STAT4: variants seen among roughly 807,000 people sequenced by gnomAD.
STAT4 encodes signal transducer and activator of transcription 4.
STAT4 carries 42 observed loss-of-function variants against 110.5 expected under a neutral mutation model. That is an observed-to-expected ratio of 0.38 (90% CI 0.30 to 0.49). STAT4 has a LOEUF of 0.49. Ranked by LOEUF, STAT4 falls within the 20% of genes least tolerant of loss-of-function variation. The pLI is 0.95. For missense variants in STAT4, 632 were observed against 887.9 expected, an observed-to-expected ratio of 0.71 and a Z score of 3.66; for synonymous variants, 284 against 302.2, an observed-to-expected ratio of 0.94 and a Z score of 0.63.
rs529564776 is a variant in STAT4, at chr2:191,092,861, A to G, written c.274-16536T>C. On this transcript the variant is annotated intron_variant, in intron 3 of 23. Transcript: ENST00000392320. ...CCCACCCAAATACTGCACTTTTCCA[A>G]TGGTTTTAGCAACTGGCACACTGGG... Among the ~76,000 whole-genome samples the G allele has an allele frequency of 7.2e-5, 11 of 152,260 alleles. No individual in the cohort carries two copies. In the East Asian group the frequency reaches 1.9e-3, roughly 27 times the overall value.
rs1699305667 is a variant in STAT4, at chr2:191,140,976, G to A, written c.273+5637C>T. Reference sequence around the variant, plus strand: ...ACTGGAGGGCATTATTCTAAGTGAAGTAACTCATAAATGGAAAACCAAATA... The same window carrying A: ...ACTGGAGGGCATTATTCTAAGTGAAATAACTCATAAATGGAAAACCAAATA... On this transcript the variant is annotated intron_variant, in intron 3 of 23. Transcript: ENST00000392320. The surrounding 1 kb of genome is among the most constrained non-coding windows in gnomAD (Gnocchi z 4.4). Among the ~76,000 whole-genome samples, 1 of 152,156 alleles carries A rather than the reference G, an allele frequency of 6.6e-6. No individual in the cohort carries two copies. Among genetic ancestry groups the A allele is most frequent in the Admixed American group, 6.6e-5 (1 of 15,266 alleles).
Position 191,061,782 on chromosome 2 carries a change from G to A in STAT4, c.981C>T (p.His327=), listed in dbSNP as rs745613218. ...TTTTAAGTACCAACGGCCTCTGAGG[G>A]TGGGTTGGCATACATGGCTGTCGCT... ...VVERQPCMPT[H]PQRPLVLKTL... Residue 327 remains histidine (H), a synonymous_variant, in exon 10 of 24, where the codon CAC becomes CAT. Transcript: ENST00000392320. The surrounding 1 kb of genome is among the most constrained non-coding windows in gnomAD (Gnocchi z 6.2). The A allele has an allele frequency of 1.2e-6, 2 of 1,613,082 alleles. No individual in the cohort carries two copies. The highest frequency in any genetic ancestry group is 1.7e-6 in the Non-Finnish European group (2 of 1,179,754).
intron 3 of STAT4, among the ~76,000 whole-genome samples, chr2:191,079,254 C>A (rs146601552): frequency 1.3e-5 from 2 of 152,068 alleles, no homozygotes; most frequent in Admixed American, 6.6e-5. Context: ...CACACATATG[C>A]ACACCCTGGT....
At chr2:191,132,858 A>C (rs6434439) in intron 3 of STAT4, among the ~76,000 whole-genome samples, 96,516 of 149,858 alleles carry the variant, frequency 0.64, 31,721 homozygotes, top group South Asian at 0.78. Context: ...GGGTTCACGC[A>C]ATTCTCCTTC....
chr2:191,144,815 G>C lies in STAT4; in HGVS notation c.273+1798C>G, dbSNP rs1699422254. On this transcript the variant is annotated intron_variant, in intron 3 of 23. Coordinates refer to ENST00000392320, the MANE Select transcript of STAT4 (RefSeq NM_003151.4). The surrounding 1 kb of genome is among the most constrained non-coding windows in gnomAD (Gnocchi z 4.7). The stretch of plus-strand genomic sequence containing the variant: ...ATTGAATGCCTACATCTTGCCAGAA[G>C]AAAAGCTCCAGACTTCCTCACAATT... Among the ~76,000 whole-genome samples the C allele has an allele frequency of 6.6e-6, 1 of 152,144 alleles. No homozygotes were observed. The highest frequency in any genetic ancestry group is 2.4e-5 in the African/African-American group (1 of 41,434).
intron 7 of STAT4, among the ~76,000 whole-genome samples, chr2:191,065,464 T>C (rs3024849): frequency 0.018 from 2,719 of 152,294 alleles, 70 homozygotes; most frequent in African/African-American, 0.061. Flanking sequence ...GTTCTGGCAT[T>C]ATTGTAAGCT....
intron 5 of STAT4, among the ~76,000 whole-genome samples, chr2:191,070,221 AT>A (rs1210349216): frequency 1.3e-5 from 2 of 151,856 alleles, no homozygotes; most frequent in African/African-American, 4.8e-5. Flanking sequence ...TTTTCTTTCT[AT>A]TTCCTGAAAT....
Position 191,033,608 on chromosome 2 carries a change from A to T in STAT4, c.1734T>A (p.Val578=). ...GCAACAGCCGTTCCTTCTCTTTGCT[A>T]ACAAAGCCCATGACATACCTAAAAA... The part of the protein sequence containing the change: ...LWIDGYVMGF[V]SKEKERLLLK... The change falls in exon 20 of 24, where the codon GTT becomes GTA. Residue 578 remains valine (V), a synonymous_variant. Coordinates refer to ENST00000392320, the MANE Select transcript of STAT4 (RefSeq NM_003151.4). The surrounding 1 kb of genome is among the most constrained non-coding windows in gnomAD (Gnocchi z 6.9). 1 of 1,613,896 alleles carries T rather than the reference A, an allele frequency of 6.2e-7. No homozygotes were observed. The highest frequency in any genetic ancestry group is 8.5e-7 in the Non-Finnish European group (1 of 1,179,950).
At chr2:191,097,156 G>A (rs1455091141) in intron 3 of STAT4, among the ~76,000 whole-genome samples, 1 of 152,126 alleles carries the variant, frequency 6.6e-6, no homozygotes, top group Admixed American at 6.5e-5. Flanking sequence ...CCATGCTCAT[G>A]GATAGGAAGA....
intron 3 of STAT4, among the ~76,000 whole-genome samples, chr2:191,087,147 T>C (rs987956782): frequency 6.6e-6 from 1 of 152,182 alleles, no homozygotes; most frequent in Non-Finnish European, 1.5e-5. Flanking sequence ...TTTAACTGAA[T>C]TGATCTATTC....
chr2:191,102,670 G>A (rs1378217126), intron 3 of STAT4, among the ~76,000 whole-genome samples: 1 of 152,086 alleles, frequency 6.6e-6, no homozygotes, highest in African/African-American at 2.4e-5. Context: ...AATTTTTGTT[G>A]TCTGGAGTAA....
intron 3 of STAT4, among the ~76,000 whole-genome samples, chr2:191,102,038 C>T (rs1172774058): frequency 6.8e-6 from 1 of 146,016 alleles, no homozygotes. Flanking sequence ...TCCTCTAATA[C>T]CTCATTTTAG....
chr2:191,080,801 T>C (rs1574137279), intron 3 of STAT4, among the ~76,000 whole-genome samples: 1 of 152,344 alleles, frequency 6.6e-6, no homozygotes, highest in South Asian at 2.1e-4. Flanking sequence ...ACAGTCATTA[T>C]CCATCCACTA....
In STAT4 at chr2:191,086,382, A is replaced by G. The variant is rs1031060688; in HGVS notation, c.274-10057T>C. On this transcript the variant is annotated intron_variant, in intron 3 of 23. Coordinates refer to ENST00000392320, the MANE Select transcript of STAT4 (RefSeq NM_003151.4). The surrounding 1 kb of genome is among the most constrained non-coding windows in gnomAD (Gnocchi z 5.5). ...ATAGATAAATCCTTGGCTGGGCTTG[A>G]GGCTTTTAAAAGGTCTAATTTGAGA... Among the ~76,000 whole-genome samples, 1 of 152,174 alleles carries G rather than the reference A, an allele frequency of 6.6e-6. No individual in the cohort carries two copies.
In STAT4 at chr2:191,147,261, T is replaced by C. The variant is rs556271671; in HGVS notation, c.129-504A>G. ...AATGTTTGAACAACCCAAATGTCCA[T>C]TGACAGATACATTTATAAAACAAAA... On this transcript the variant is annotated intron_variant, in intron 2 of 23. Coordinates refer to ENST00000392320, the MANE Select transcript of STAT4 (RefSeq NM_003151.4). The surrounding 1 kb of genome is among the most constrained non-coding windows in gnomAD (Gnocchi z 4.1). Among the ~76,000 whole-genome samples, 49 of 152,274 alleles carry C rather than the reference T, an allele frequency of 3.2e-4. No homozygotes were observed. The highest frequency in any genetic ancestry group is 1.2e-3 in the African/African-American group (49 of 41,554).
At chr2:191,124,818 G>A (rs1248096910) in intron 3 of STAT4, among the ~76,000 whole-genome samples, 1 of 152,048 alleles carries the variant, frequency 6.6e-6, no homozygotes, top group East Asian at 1.9e-4. Context: ...TCTCTCACAA[G>A]TCCAGAACAT....
rs1467351662 is a variant in STAT4 at position 191,061,703 on chromosome 2, A to C, written c.1034+26T>G. 5 of 1,601,206 alleles carry C rather than the reference A, an allele frequency of 3.1e-6. No homozygotes were observed. Among genetic ancestry groups the C allele is most frequent in the Non-Finnish European group, 8.6e-7 (1 of 1,168,406 alleles). On this transcript the variant is annotated intron_variant, in intron 10 of 23. Transcript: ENST00000392320. The surrounding 1 kb of genome is among the most constrained non-coding windows in gnomAD (Gnocchi z 6.2). Reference sequence around the variant, plus strand: ...GAGACTATAGCTCCACAAACACACGAAATAGTAGAAAATGTTTTTGCCTAC... The same window carrying C: ...GAGACTATAGCTCCACAAACACACGCAATAGTAGAAAATGTTTTTGCCTAC...
At chr2:191,089,954 G>A (rs1697745087) in intron 3 of STAT4, among the ~76,000 whole-genome samples, 1 of 152,082 alleles carries the variant, frequency 6.6e-6, no homozygotes, top group South Asian at 2.1e-4. Flanking sequence ...CTAGGGCAAT[G>A]AAACTATTCT....
In STAT4 at chr2:191,031,026, T is replaced by G. The variant is rs781093912; in HGVS notation, c.2166A>C (p.Pro722=). The change falls in exon 23 of 24, where the codon CCA becomes CCC. Residue 722 remains proline, a synonymous_variant. Transcript: ENST00000392320. The surrounding 1 kb of genome is among the most constrained non-coding windows in gnomAD (Gnocchi z 4.8). ...TTTCTCTCAACACCGCATACACACTTGGAGACATGGGAAGAAGGTCTGATG... is the reference window on the plus strand; with the variant it reads ...TTTCTCTCAACACCGCATACACACTGGGAGACATGGGAAGAAGGTCTGATG... ...HSPSDLLPMS[P]SVYAVLRENL... is the part of the protein sequence containing the mutation. 1 of 1,614,000 alleles carries G rather than the reference T, an allele frequency of 6.2e-7. No individual in the cohort carries two copies. The highest frequency in any genetic ancestry group is 8.5e-7 in the Non-Finnish European group (1 of 1,179,850).
Sources: gnomAD v4.1 joint callset for allele counts (sites outside exome capture counted in the v4.1 genomes callset) on GRCh38, gnomAD v4.1.1 for gene constraint, Gnocchi (gnomAD v3.1) non-coding constraint, MANE v1.5 for transcripts, NCBI Gene and HGNC (gene_info 2026-07-23, HGNC 2026-07-21) for gene names.